The following SPATA31D1 variants were observed in gnomAD, a reference collection of about 807,000 sequenced individuals.
SPATA31D1 encodes the protein SPATA31 subfamily D member 1, also known as spermatogenesis-associated protein 31D1.
SPATA31D1 carries 6 observed loss-of-function variants against 13.2 expected under a neutral mutation model. The observed-to-expected ratio is 0.46, with a 90% CI of 0.25 to 0.90. The LOEUF is 0.90. SPATA31D1 is among the 40% of genes least tolerant of loss of function. SPATA31D1 has a pLI of 0.18. For synonymous variants in SPATA31D1, 903 were observed against 718.8 expected (o/e 1.26, Z -4.10); for missense variants, 2,445 against 1,884.7 (o/e 1.30, Z -5.50).
Position 81,994,587 on chromosome 9 carries a change from A to T in SPATA31D1, c.4117A>T (p.Ser1373Cys). The T allele has an allele frequency of 6.2e-7, 1 of 1,612,904 alleles. No individual in the cohort carries two copies. ...CAGCATATCATATGAAGAACAAGAA[A>T]GTTCCTGGGAAAAGGGTAGCTCCCT... ...KPSISYEEQE[S>C]SWEKGSSLSS... Residue 1373 changes from serine to cysteine, a missense_variant, in exon 4 of 4, where the codon AGT becomes TGT. Coordinates refer to ENST00000344803, the MANE Select transcript of SPATA31D1 (RefSeq NM_001001670.3).
upstream of SPATA31D1, among the ~76,000 whole-genome samples, chr9:81,988,026 C>T (rs916134061): frequency 6.6e-6 from 1 of 152,146 alleles, no homozygotes; most frequent in Non-Finnish European, 1.5e-5. Flanking sequence ...TACAGACCTC[C>T]GCTTTCCTTC....
In SPATA31D1 at chr9:81,988,787, C is replaced by T; in HGVS notation, c.-32C>T. 2 of 1,611,910 alleles carry T rather than the reference C, an allele frequency of 1.2e-6. No individual in the cohort carries two copies. The highest frequency in any genetic ancestry group is 1.7e-6 in the Non-Finnish European group (2 of 1,179,662). On this transcript the variant is annotated 5_prime_UTR_variant, in exon 1 of 4. Transcript: ENST00000344803. ...GTTAAGCCTGGGCACCCTCAGTGCT[C>T]AGTTGCTTCAGGCAGCTGAGCTATT...
In SPATA31D1 at chr9:81,993,269, G is replaced by A. The variant is rs373323297; in HGVS notation, c.2799G>A (p.Ala933=). 5.2e-5 allele frequency: 84 copies of A among 1,613,968 alleles called. 1 individual carries two copies. The highest frequency in any genetic ancestry group is 2.6e-4 in the South Asian group (24 of 91,078). Residue 933 remains alanine, a synonymous_variant, in exon 4 of 4, where the codon GCG becomes GCA. Coordinates refer to ENST00000344803, the MANE Select transcript of SPATA31D1 (RefSeq NM_001001670.3). ...LESIEIFKSK[A]DLSTSFSHFD... is the part of the protein sequence containing the mutation. ...CCATAGAAATCTTCAAATCGAAAGCGGACCTTTCCACTTCCTTTTCCCATT... is the reference window on the plus strand; with the variant it reads ...CCATAGAAATCTTCAAATCGAAAGCAGACCTTTCCACTTCCTTTTCCCATT...
Position 81,991,876 on chromosome 9 carries a change from C to T in SPATA31D1, c.1406C>T (p.Pro469Leu). ...AVKHDLAESFPFWASKGKLEW... is the reference protein window; with the variant it reads ...AVKHDLAESFLFWASKGKLEW... Reference sequence around the variant, plus strand: ...AAGCATGACTTGGCAGAATCCTTTCCTTTTTGGGCCAGTAAAGGCAAACTA... The same window carrying T: ...AAGCATGACTTGGCAGAATCCTTTCTTTTTTGGGCCAGTAAAGGCAAACTA... Residue 469 changes from proline to leucine, a missense_variant, in exon 4 of 4, where the codon CCT (proline) becomes CTT (leucine). Coordinates refer to ENST00000344803, the MANE Select transcript of SPATA31D1 (RefSeq NM_001001670.3). 4 of 1,613,752 alleles carry T rather than the reference C, an allele frequency of 2.5e-6. No individual in the cohort carries two copies. The highest frequency in any genetic ancestry group is 3.4e-6 in the Non-Finnish European group (4 of 1,179,718).
At position 81,992,170 on chromosome 9, in the gene SPATA31D1, T is replaced by C. The variant is rs770929297; in HGVS notation, c.1700T>C (p.Leu567Pro). The C allele has an allele frequency of 6.2e-7, 1 of 1,613,734 alleles. No homozygotes were observed. Among genetic ancestry groups the C allele is most frequent in the East Asian group, 2.2e-5 (1 of 44,868 alleles). The part of the protein sequence containing the change: ...STQPLPLPQT[L>P]PQGQSPHLTQ... ...CAACCACTACCCTTGCCTCAAACCC[T>C]GCCCCAAGGTCAGTCCCCACATCTC... is the stretch of plus-strand genomic sequence containing the variant. The change falls in exon 4 of 4, where the codon CTG becomes CCG. Residue 567 changes from leucine (L) to proline (P), a missense_variant. Leu to Pro is a moderately conservative substitution (Grantham distance 98). Transcript: ENST00000344803.
Position 81,988,881 on chromosome 9 carries a change from T to C in SPATA31D1, c.63T>C (p.His21=), listed in dbSNP as rs369748541. Residue 21 remains histidine (H), a synonymous_variant, in exon 1 of 4, where the codon CAT becomes CAC. Transcript: ENST00000344803. The part of the protein sequence containing the change: ...YTETGLSPDS[H]WLDIDPNFIC... Reference sequence around the variant, plus strand: ...AGACAGGGCTGAGCCCTGACTCACATTGGTTGGATATCGACCCCAACTTCA... The same window carrying C: ...AGACAGGGCTGAGCCCTGACTCACACTGGTTGGATATCGACCCCAACTTCA... 2.5e-6 allele frequency: 4 copies of C among 1,612,928 alleles called. No homozygotes were observed. Among genetic ancestry groups the C allele is most frequent in the Middle Eastern group, 1.8e-4 (1 of 5,418 alleles).
rs1564172277 is a variant in SPATA31D1, at chr9:81,988,984, A to G, written c.166A>G (p.Lys56Glu). 1 of 1,611,760 alleles carries G rather than the reference A, an allele frequency of 6.2e-7. No individual in the cohort carries two copies. Among genetic ancestry groups the G allele is most frequent in the African/African-American group, 1.3e-5 (1 of 74,856 alleles). The change falls in exon 1 of 4, where the codon AAA becomes GAA. Residue 56 changes from lysine to glutamate, a missense_variant. Transcript: ENST00000344803. ...VLTLYSSPTE[K>E]NNDIQKHQGR... Reference sequence around the variant, plus strand: ...GACCCTGTATTCGTCACCCACCGAAAAAAATAATGACATCCAAAAGGTAAG... The same window carrying G: ...GACCCTGTATTCGTCACCCACCGAAGAAAATAATGACATCCAAAAGGTAAG...
intron 3 of SPATA31D1, 129 bp downstream of exon 3, chr9:81,990,615 T>A: frequency 7.6e-7 from 1 of 1,316,036 alleles, no homozygotes; most frequent in Admixed American, 2.3e-5. Flanking sequence ...AATGGGTATG[T>A]GAATGAATGT....
Position 81,992,651 on chromosome 9 carries a change from A to G in SPATA31D1, c.2181A>G (p.Arg727=), listed in dbSNP as rs769817458. 6.2e-7 allele frequency: 1 copy of G among 1,613,290 alleles called. No homozygotes were observed. Among genetic ancestry groups the G allele is most frequent in the Admixed American group, 1.7e-5 (1 of 59,836 alleles). ...TTTCAGAGCTATCTGTGTCAGAGAG[A>G]ATTCATGGACCGTTAAATATCTCTT... ...SKISELSVSE[R]IHGPLNISLV... The change falls in exon 4 of 4, where the codon AGA becomes AGG. Residue 727 remains arginine, a synonymous_variant. Transcript: ENST00000344803.
At chr9:81,990,219 C>T (rs1824923504) in intron 2 of SPATA31D1, 198 bp from the exon 3 acceptor site, 2 of 545,702 alleles carry the variant, frequency 3.7e-6, no homozygotes, top group Non-Finnish European at 6.5e-6. Flanking sequence ...TTGAGCATCA[C>T]ATGGGGTAAT....
At chr9:81,989,557 G>A (rs961213701) in intron 1 of SPATA31D1, among the ~76,000 whole-genome samples, 1 of 152,200 alleles carries the variant, frequency 6.6e-6, no homozygotes, top group Admixed American at 6.5e-5. Context: ...AGTACATCAA[G>A]TGTGGCTCTC....
chr9:81,991,642 G>T lies in SPATA31D1; in HGVS notation c.1172G>T (p.Gly391Val), dbSNP rs1413159507. The T allele has an allele frequency of 2.5e-6, 4 of 1,613,846 alleles. No homozygotes were observed. The highest frequency in any genetic ancestry group is 3.4e-6 in the Non-Finnish European group (4 of 1,179,888). Residue 391 changes from glycine to valine, a missense_variant, in exon 4 of 4, where the codon GGG (glycine) becomes GTG (valine). By Grantham distance (109) the Gly-to-Val change is moderately radical (BLOSUM62 -3). Coordinates refer to ENST00000344803, the MANE Select transcript of SPATA31D1 (RefSeq NM_001001670.3). ...LTLHSSEAFL[G>V]GHSVANLIEP... is the part of the protein sequence containing the mutation. ...CTTCATTCTTCTGAGGCCTTTTTAGGGGGGCACTCTGTGGCCAACCTCATA... is the reference window on the plus strand; with the variant it reads ...CTTCATTCTTCTGAGGCCTTTTTAGTGGGGCACTCTGTGGCCAACCTCATA...
chr9:81,991,462 G>C lies in SPATA31D1; in HGVS notation c.992G>C (p.Gly331Ala). 1 of 1,613,968 alleles carries C rather than the reference G, an allele frequency of 6.2e-7. No individual in the cohort carries two copies. Among genetic ancestry groups the C allele is most frequent in the Non-Finnish European group, 8.5e-7 (1 of 1,179,898 alleles). Residue 331 changes from glycine (G) to alanine (A), a missense_variant, in exon 4 of 4, where the codon GGT (glycine) becomes GCT (alanine). Transcript: ENST00000344803. The part of the protein sequence containing the change: ...LKTFPEMLSL[G>A]GSGGSSTSAP... ...ACTTTTCCGGAAATGTTATCTCTAG[G>C]TGGCTCTGGTGGGTCATCCACCTCT...
rs1270707319 is a variant in SPATA31D1, at chr9:81,995,014, C to A, written c.4544C>A (p.Pro1515His). 2 of 1,613,924 alleles carry A rather than the reference C, an allele frequency of 1.2e-6. No homozygotes were observed. The highest frequency in any genetic ancestry group is 2.2e-5 in the East Asian group (1 of 44,866). ...FKGKILCQSH[P>H]QSMPHRKPVP... ...GGGAAGATACTGTGTCAAAGCCATC[C>A]CCAATCCATGCCCCACAGGAAGCCT... The change falls in exon 4 of 4, where the codon CCC becomes CAC. Residue 1515 changes from proline to histidine, a missense_variant. By Grantham distance (77) the Pro-to-His change is moderately conservative (BLOSUM62 -2). Transcript: ENST00000344803.
At position 81,990,830 on chromosome 9, in the gene SPATA31D1, T is replaced by C; in HGVS notation, c.360T>C (p.Phe120=). The change falls in exon 4 of 4, where the codon TTT becomes TTC. Residue 120 remains phenylalanine, a synonymous_variant. Transcript: ENST00000344803. The stretch of plus-strand genomic sequence containing the variant: ...GCCAGCATCATGATACCAACCACTT[T>C]CGTCGACTGTTATGCCCAGACCCCG... The part of the protein sequence containing the change: ...PRGQHHDTNH[F]RRLLCPDPVC... The C allele has an allele frequency of 1.9e-6, 3 of 1,613,856 alleles. No individual in the cohort carries two copies. The highest frequency in any genetic ancestry group is 2.5e-6 in the Non-Finnish European group (3 of 1,179,838).
chr9:81,994,156 T>G lies in SPATA31D1; in HGVS notation c.3686T>G (p.Leu1229Ter). Residue 1229 changes from leucine (L) to a stop codon, truncating the protein, a stop_gained, in exon 4 of 4, where the codon TTA becomes TGA. Transcript: ENST00000344803. LOFTEE classifies it low-confidence loss of function (END_TRUNC). ...CATTTCACTGACATGTCTTTTGCCT[T>G]AGATAACTTGAGTTCCAAGGACTTA... ...QSHFTDMSFA[L>*]DNLSSKDLLT... The G allele has an allele frequency of 6.2e-7, 1 of 1,614,012 alleles. No homozygotes were observed. The highest frequency in any genetic ancestry group is 8.5e-7 in the Non-Finnish European group (1 of 1,179,888).
chr9:81,991,275 A>G lies in SPATA31D1; in HGVS notation c.805A>G (p.Asn269Asp). Residue 269 changes from asparagine (N) to aspartate (D), a missense_variant, in exon 4 of 4, where the codon AAC becomes GAC. Coordinates refer to ENST00000344803, the MANE Select transcript of SPATA31D1 (RefSeq NM_001001670.3). ...CCAACCTGAAGCCAGTTTGTCTCTGAACACCATCTTTTCATTTGGCTCCAC... is the reference window on the plus strand; with the variant it reads ...CCAACCTGAAGCCAGTTTGTCTCTGGACACCATCTTTTCATTTGGCTCCAC... ...SLQPEASLSL[N>D]TIFSFGSTLC... is the part of the protein sequence containing the mutation. 6.2e-7 allele frequency: 1 copy of G among 1,614,008 alleles called. No individual in the cohort carries two copies. The highest frequency in any genetic ancestry group is 8.5e-7 in the Non-Finnish European group (1 of 1,179,892).
rs747582758 is a variant in SPATA31D1 at position 81,992,563 on chromosome 9, G to A, written c.2093G>A (p.Arg698His). The A allele has an allele frequency of 1.3e-5, 21 of 1,611,898 alleles. No homozygotes were observed. Among genetic ancestry groups the A allele is most frequent in the South Asian group, 3.3e-5 (3 of 91,002 alleles). Residue 698 changes from arginine to histidine, a missense_variant, in exon 4 of 4, where the codon CGC (arginine) becomes CAC (histidine). Coordinates refer to ENST00000344803, the MANE Select transcript of SPATA31D1 (RefSeq NM_001001670.3). ...EQHIRRRLIQ[R>H]RWGLPRRIHE... Reference sequence around the variant, plus strand: ...CACATTCGAAGGAGGCTCATCCAGCGCAGATGGGGCCTGCCCCGCAGAATC... The same window carrying A: ...CACATTCGAAGGAGGCTCATCCAGCACAGATGGGGCCTGCCCCGCAGAATC...
At chr9:81,990,010 AT>A in intron 2 of SPATA31D1, 187 bp downstream of exon 2, 1 of 640,944 alleles carries the variant, frequency 1.6e-6, no homozygotes, top group Non-Finnish European at 2.6e-6. Flanking sequence ...TGCTCTGCCC[AT>A]TTACGGGCAG....
Sources: gnomAD v4.1 joint callset for allele counts (sites outside exome capture counted in the v4.1 genomes callset) on GRCh38, gnomAD v4.1.1 for gene constraint, MANE v1.5 for transcripts, NCBI Gene and HGNC (gene_info 2026-07-23, HGNC 2026-07-21) for gene names.